Variants in KCNIP4 observed in about 807,000 individuals in gnomAD.
KCNIP4 encodes the protein potassium voltage-gated channel interacting protein 4, also known as Kv channel-interacting protein 4.
Under a neutral mutation model 34.0 loss-of-function variants are expected in KCNIP4, and 12 were observed. The ratio of observed to expected loss-of-function variants is 0.35; its 90% CI spans 0.23 to 0.57. The LOEUF is 0.57. Ranked by LOEUF, KCNIP4 falls within the 20% of genes least tolerant of loss-of-function variation. The pLI is 0.83. For synonymous variants in KCNIP4, 124 were observed against 102.2 expected (o/e 1.21, Z -1.29); for missense variants, 238 against 311.7 (o/e 0.76, Z 1.78).
At chr4:21,872,454 C>T (rs28600835) in intron 1 of KCNIP4, among the ~76,000 whole-genome samples, 56,355 of 151,982 alleles carry the variant, frequency 0.37, 12,200 homozygotes, top group East Asian at 0.64. Flanking sequence ...AAGCAGCAGG[C>T]GTTTTGACGA....
chr4:21,085,315 C>A lies in KCNIP4; in HGVS notation c.62-202606G>T, dbSNP rs562703671. Among the ~76,000 whole-genome samples the A allele has an allele frequency of 2.6e-5, 4 of 152,160 alleles. No individual in the cohort carries two copies. The South Asian group carries it at 6.2e-4, about 24-fold the overall frequency. ...CATTGAAAACCCAATCATATTGGCA[C>A]CCCGATCTCACACTTCCAGGCACCA... is the stretch of plus-strand genomic sequence containing the variant. On this transcript the variant is annotated intron_variant, in intron 1 of 8. Transcript: ENST00000382152.
At position 20,799,628 on chromosome 4, in the gene KCNIP4, C is replaced by T. The variant is rs1008346517; in HGVS notation, c.289-40738G>A. On this transcript the variant is annotated intron_variant, in intron 3 of 8. Transcript: ENST00000382152. The stretch of plus-strand genomic sequence containing the variant: ...ACCACCCTCAATCCCAGGCCCAAGC[C>T]ACAGTGGTGCCTTGCCATTCCTGAG... 2.0e-5 allele frequency among the ~76,000 whole-genome samples: 3 copies of T among 152,290 alleles called. No homozygotes were observed. The East Asian group carries it at 5.8e-4, about 30-fold the overall frequency.
intron 3 of KCNIP4, among the ~76,000 whole-genome samples, chr4:20,832,391 A>G (rs1186651626): frequency 6.6e-6 from 1 of 152,208 alleles, no homozygotes; most frequent in Non-Finnish European, 1.5e-5. Flanking sequence ...ATTTATGCAA[A>G]GCCAATGCAA....
chr4:20,742,653 A>T (rs1751412223), intron 5 of KCNIP4, among the ~76,000 whole-genome samples: 1 of 152,168 alleles, frequency 6.6e-6, no homozygotes. Context: ...GAAAACTGGC[A>T]CAAGACAGGG....
At chr4:21,344,499 A>C (rs567766273) in intron 1 of KCNIP4, among the ~76,000 whole-genome samples, 3 of 152,160 alleles carry the variant, frequency 2.0e-5, no homozygotes, top group Non-Finnish European at 4.4e-5. Flanking sequence ...TGGGGCAGAT[A>C]AATTATATTT....
chr4:21,157,258 T>C (rs1429871947), intron 1 of KCNIP4, among the ~76,000 whole-genome samples: 1 of 152,158 alleles, frequency 6.6e-6, no homozygotes, highest in East Asian at 1.9e-4. Context: ...ATGTCTACTA[T>C]AATGCATGCC....
chr4:21,615,989 A>T (rs1357432874), intron 1 of KCNIP4, among the ~76,000 whole-genome samples: 1 of 152,122 alleles, frequency 6.6e-6, no homozygotes, highest in Non-Finnish European at 1.5e-5. Context: ...ACAGAAACAA[A>T]TGTGATTCTT....
chr4:21,508,612 A>G (rs1357998212), intron 1 of KCNIP4, among the ~76,000 whole-genome samples: 5 of 152,114 alleles, frequency 3.3e-5, no homozygotes, highest in Non-Finnish European at 5.9e-5. Flanking sequence ...AGTCAGACAT[A>G]CTCTGCTTCT....
At chr4:21,467,184 A>G (rs577802836) in intron 1 of KCNIP4, among the ~76,000 whole-genome samples, 1 of 151,954 alleles carries the variant, frequency 6.6e-6, no homozygotes, top group African/African-American at 2.4e-5. Context: ...ATTAATTTTT[A>G]CTTCTTAAGG....
intron 3 of KCNIP4, among the ~76,000 whole-genome samples, chr4:20,791,958 C>T (rs1339699412): frequency 6.6e-6 from 1 of 152,192 alleles, no homozygotes; most frequent in Non-Finnish European, 1.5e-5. Flanking sequence ...CTACCCTGCC[C>T]ATATTGGACC....
intron 1 of KCNIP4, among the ~76,000 whole-genome samples, chr4:21,230,769 G>A (rs1451772944): frequency 1.3e-5 from 2 of 152,036 alleles, no homozygotes; most frequent in Non-Finnish European, 2.9e-5. Context: ...ATCATCTATG[G>A]ACATTTGGCT....
chr4:21,241,409 G>A (rs547033989), intron 1 of KCNIP4, among the ~76,000 whole-genome samples: 1 of 152,224 alleles, frequency 6.6e-6, no homozygotes, highest in South Asian at 2.1e-4. Flanking sequence ...ACTTCTTGAA[G>A]AGGAAATGGG....
chr4:21,556,931 A>AAAAAAAAAAAAAAAAAAAAAAAAC (rs1560514270), intron 1 of KCNIP4, among the ~76,000 whole-genome samples: 1 of 134,190 alleles, frequency 7.5e-6, no homozygotes, highest in African/African-American at 2.8e-5. Context: ...AGAAAAAAAA[A>AAAAAAAAAAAAAAAAAAAAAAAAC]AAAAAAAAAA....
chr4:21,046,095 G>A lies in KCNIP4; in HGVS notation c.62-163386C>T, dbSNP rs190235806. On this transcript the variant is annotated intron_variant, in intron 1 of 8. Coordinates refer to ENST00000382152, the MANE Select transcript of KCNIP4 (RefSeq NM_025221.6). Reference sequence around the variant, plus strand: ...TGGGATTACCTGTGCTGACTGAAATGCAAAAGACAGAAAAGGATTCATTCA... The same window carrying A: ...TGGGATTACCTGTGCTGACTGAAATACAAAAGACAGAAAAGGATTCATTCA... Among the ~76,000 whole-genome samples the A allele has an allele frequency of 2.6e-3, 393 of 152,304 alleles. 1 individual carries two copies. The highest frequency in any genetic ancestry group is 9.2e-3 in the African/African-American group (381 of 41,554).
intron 1 of KCNIP4, among the ~76,000 whole-genome samples, chr4:21,574,248 C>T (rs1305223431): frequency 6.6e-6 from 1 of 152,106 alleles, no homozygotes; most frequent in Non-Finnish European, 1.5e-5. Context: ...CTGAAATTTA[C>T]AATTTCATTT....
chr4:21,459,201 T>C (rs1729234027), intron 1 of KCNIP4, among the ~76,000 whole-genome samples: 2 of 152,054 alleles, frequency 1.3e-5, no homozygotes, highest in South Asian at 4.1e-4. Context: ...TCAATCTGGC[T>C]TTCACCTTTG....
intron 1 of KCNIP4, among the ~76,000 whole-genome samples, chr4:21,552,088 A>T (rs1738636062): frequency 6.6e-6 from 1 of 151,668 alleles, no homozygotes; most frequent in Admixed American, 6.6e-5. Flanking sequence ...TTTGTGTTAC[A>T]ATATATAGAT....
intron 1 of KCNIP4, among the ~76,000 whole-genome samples, chr4:21,077,648 A>G (rs992567076): frequency 3.3e-5 from 5 of 152,194 alleles, no homozygotes; most frequent in Admixed American, 1.3e-4. Context: ...TAAAATAGGC[A>G]AAGCCATATC....
intron 1 of KCNIP4, among the ~76,000 whole-genome samples, chr4:21,079,557 C>A (rs990203550): frequency 1.3e-5 from 2 of 150,502 alleles, no homozygotes; most frequent in African/African-American, 5.0e-5. Context: ...TGCCACTGAA[C>A]CTAAACTCAT....
Sources: gnomAD v4.1 joint callset for allele counts (sites outside exome capture counted in the v4.1 genomes callset) on GRCh38, gnomAD v4.1.1 for gene constraint, MANE v1.5 for transcripts, NCBI Gene and HGNC (gene_info 2026-07-23, HGNC 2026-07-21) for gene names.